The following SNTG1 variants were observed in gnomAD, a reference collection of about 807,000 sequenced individuals.
SNTG1 encodes syntrophin gamma 1, also known as gamma-1-syntrophin.
SNTG1 carries 39 observed loss-of-function variants against 74.7 expected under a neutral mutation model. The observed-to-expected ratio is 0.52, with a 90% CI of 0.40 to 0.68. The LOEUF (loss-of-function observed/expected upper bound fraction) is 0.68. Among genes scored for constraint, SNTG1 ranks in the 30% least tolerant of loss-of-function variants. The pLI, the probability that SNTG1 is intolerant of heterozygous loss-of-function variation, is 0.00. For synonymous variants in SNTG1, 254 were observed against 217.1 expected, an observed-to-expected ratio of 1.17 and a Z score of -1.49; for missense variants, 685 against 609.5, an observed-to-expected ratio of 1.12 and a Z score of -1.30.
chr8:50,627,016 T>TTTGTGTATTGTGTA (rs1483272548), intron 13 of SNTG1, among the ~76,000 whole-genome samples: 4 of 152,202 alleles, frequency 2.6e-5, no homozygotes, highest in Middle Eastern at 3.2e-3. Context: ...GATGTTTTTA[T>TTTGTGTATTGTGTA]TTGTGTATTG....
At chr8:50,398,134 A>G (rs1033156119) in intron 3 of SNTG1, among the ~76,000 whole-genome samples, 1 of 152,214 alleles carries the variant, frequency 6.6e-6, no homozygotes, top group Non-Finnish European at 1.5e-5. Flanking sequence ...TTCCCTGCTC[A>G]GTGCCTGTTT....
chr8:50,149,430 C>T (rs1343353522), intron 1 of SNTG1, among the ~76,000 whole-genome samples: 1 of 152,094 alleles, frequency 6.6e-6, no homozygotes, highest in Non-Finnish European at 1.5e-5. Flanking sequence ...CTTTTGTTGC[C>T]ATTGCTTTTG....
rs572424080 is a variant in SNTG1, at chr8:50,672,979, G to A, written c.1038+14316G>A. Among the ~76,000 whole-genome samples, 35 of 152,124 alleles carry A rather than the reference G, an allele frequency of 2.3e-4. No homozygotes were observed. In the East Asian group the frequency reaches 2.7e-3, roughly 12 times the overall value. ...CATGCTTGTTTTTGTCAGGTTTGTC[G>A]AAGATCAGACAGTTATAGATGTGTA... On this transcript the variant is annotated intron_variant, in intron 15 of 18. Coordinates refer to ENST00000642720, the MANE Select transcript of SNTG1 (RefSeq NM_018967.5).
intron 2 of SNTG1, among the ~76,000 whole-genome samples, chr8:50,352,412 C>T (rs993796827): frequency 2.6e-5 from 4 of 151,026 alleles, no homozygotes; most frequent in East Asian, 3.9e-4. Context: ...TTTTTTTGGA[C>T]GTAGTTTCAC....
intron 1 of SNTG1, among the ~76,000 whole-genome samples, chr8:49,931,351 G>A (rs932427975): frequency 6.6e-6 from 1 of 152,146 alleles, no homozygotes; most frequent in Non-Finnish European, 1.5e-5. Context: ...ATACATGTGA[G>A]ATTCATAGCA....
chr8:50,701,643 C>CTGTTCCTCT (rs1563761441), intron 15 of SNTG1, among the ~76,000 whole-genome samples: 5 of 96,374 alleles, frequency 5.2e-5, no homozygotes, highest in African/African-American at 3.0e-4. Context: ...CTTCTTCTTC[C>CTGTTCCTCT]TCCTCTTTTT....
chr8:50,632,902 G>A (rs957296879), intron 13 of SNTG1, among the ~76,000 whole-genome samples: 13 of 152,222 alleles, frequency 8.5e-5, no homozygotes, highest in African/African-American at 2.2e-4. Context: ...CAAGAATACC[G>A]TGTCTTCTAC....
intron 2 of SNTG1, among the ~76,000 whole-genome samples, chr8:50,357,581 A>G (rs780932909): frequency 6.6e-6 from 1 of 152,216 alleles, no homozygotes; most frequent in African/African-American, 2.4e-5. Context: ...TTCTCTGTGC[A>G]GTAAGACTGG....
At chr8:50,782,263 T>C (rs1018347842) in intron 18 of SNTG1, among the ~76,000 whole-genome samples, 16 of 152,210 alleles carry the variant, frequency 1.1e-4, no homozygotes, top group Admixed American at 9.8e-4. Context: ...CCTTGCTAGA[T>C]TGGGGAAGTT....
chr8:50,653,762 T>A (rs186658724), intron 13 of SNTG1, among the ~76,000 whole-genome samples: 2 of 152,300 alleles, frequency 1.3e-5, no homozygotes, highest in East Asian at 3.9e-4. Context: ...CGCCCTTGAA[T>A]GTTCTTTGGA....
At chr8:50,403,984 T>G (rs890946490) in intron 4 of SNTG1, among the ~76,000 whole-genome samples, 2 of 152,160 alleles carry the variant, frequency 1.3e-5, no homozygotes, top group African/African-American at 4.8e-5. Context: ...ACAAAAATTA[T>G]ACAGGAAGAG....
At chr8:50,709,073 G>A in intron 17 of SNTG1, 95 bp downstream of exon 17, 3 of 873,990 alleles carry the variant, frequency 3.4e-6, no homozygotes, top group Non-Finnish European at 5.4e-6. Context: ...CATTTTAATT[G>A]TAATCGTGTC....
chr8:50,375,149 A>T (rs2092349433), intron 2 of SNTG1, among the ~76,000 whole-genome samples: 1 of 152,130 alleles, frequency 6.6e-6, no homozygotes, highest in South Asian at 2.1e-4. Context: ...TGTGTTTTTA[A>T]ACAACATCAT....
chr8:50,135,873 T>C (rs906760995), intron 1 of SNTG1, among the ~76,000 whole-genome samples: 2 of 152,276 alleles, frequency 1.3e-5, no homozygotes, highest in Admixed American at 6.5e-5. Flanking sequence ...TAGTAGCTGA[T>C]AGATAGTTTT....
Position 50,573,926 on chromosome 8 carries a change from C to T in SNTG1, c.811-16953C>T, listed in dbSNP as rs369564454. Among the ~76,000 whole-genome samples the T allele has an allele frequency of 2.0e-4, 31 of 151,830 alleles. No individual in the cohort carries two copies. The East Asian group carries it at 2.7e-3, about 13-fold the overall frequency. ...GTGATTCCTGTAGGAAAAAAAATAA[C>T]GTGATAGAATCAAATAACAAGAATA... On this transcript the variant is annotated intron_variant, in intron 12 of 18. Transcript: ENST00000642720.
chr8:50,439,108 CAT>C (rs2093334378), intron 5 of SNTG1, among the ~76,000 whole-genome samples: 1 of 151,936 alleles, frequency 6.6e-6, no homozygotes, highest in African/African-American at 2.4e-5. Flanking sequence ...TAAAAGTGAA[CAT>C]ATGTGTTCAT....
intron 9 of SNTG1, among the ~76,000 whole-genome samples, chr8:50,515,394 T>G (rs1459914141): frequency 1.0e-5 from 1 of 99,958 alleles, no homozygotes; most frequent in Non-Finnish European, 1.8e-5. Flanking sequence ...GGAGTTTTTT[T>G]TTTTTTTTTT....
At chr8:50,267,972 C>G (rs1389879337) in intron 2 of SNTG1, among the ~76,000 whole-genome samples, 1 of 152,136 alleles carries the variant, frequency 6.6e-6, no homozygotes, top group Non-Finnish European at 1.5e-5. Context: ...ATAAATAAAA[C>G]TATTCCTGTT....
At chr8:50,436,077 C>A (rs541671012) in intron 4 of SNTG1, among the ~76,000 whole-genome samples, 1 of 152,106 alleles carries the variant, frequency 6.6e-6, no homozygotes, top group South Asian at 2.1e-4. Flanking sequence ...CTAGGCAAAA[C>A]GCTCTACAAA....
Sources: allele counts gnomAD v4.1 joint callset (sites outside exome capture counted in the v4.1 genomes callset), GRCh38; gene constraint gnomAD v4.1.1; transcripts MANE v1.5; gene names NCBI Gene and HGNC (gene_info 2026-07-23, HGNC 2026-07-21).